Variants in PRKX observed in about 807,000 individuals in gnomAD.
PRKX encodes the protein protein kinase cAMP-dependent X-linked catalytic subunit, also known as cAMP-dependent protein kinase catalytic subunit PRKX.
Under a neutral mutation model 22.0 loss-of-function variants are expected in PRKX, and 12 were observed. The ratio of observed to expected loss-of-function variants is 0.54; its 90% confidence interval spans 0.35 to 0.88. The LOEUF (loss-of-function observed/expected upper bound fraction) is 0.88, where lower values mean the gene tolerates loss of function less well. Among genes scored for constraint, PRKX ranks in the 40% least tolerant of loss-of-function variants. The probability of loss-of-function intolerance (pLI) is 0.01; values close to 1 mark genes in which losing one functional copy is unlikely to be tolerated. For synonymous variants in PRKX, 134 were observed against 137.7 expected (o/e 0.97, Z 0.19); for missense variants, 217 against 308.0 (o/e 0.70, Z 2.21).
intron 3 of PRKX, among the ~76,000 whole-genome samples, chrX:3,651,992 A>G (rs1927342274): frequency 9.0e-6 from 1 of 111,523 alleles, no homozygotes; most frequent in Non-Finnish European, 1.9e-5. Flanking sequence ...TTTACTTTTT[A>G]TGACTGTTGA....
At chrX:3,610,722 T>A (rs1256213846) in intron 8 of PRKX, among the ~76,000 whole-genome samples, 1 of 111,149 alleles carries the variant, frequency 9.0e-6, no homozygotes, top group African/African-American at 3.3e-5. Flanking sequence ...GGAAGCTTTT[T>A]TGTTCTTTAA....
At chrX:3,666,910 T>TAAAA (rs1569055293) in intron 2 of PRKX, among the ~76,000 whole-genome samples, 5 of 31,324 alleles carry the variant, frequency 1.6e-4, no homozygotes, top group African/African-American at 4.1e-4. Flanking sequence ...CTCATTTCTT[T>TAAAA]TAAAAAAAAA....
At chrX:3,638,825 C>T (rs1926954268) in intron 4 of PRKX, among the ~76,000 whole-genome samples, 1 of 107,279 alleles carries the variant, frequency 9.3e-6, no homozygotes, top group Admixed American at 1.0e-4. Flanking sequence ...GGGAGGTAAA[C>T]AGTTACATAG....
chrX:3,620,076 A>C (rs1261587484), intron 6 of PRKX, among the ~76,000 whole-genome samples: 1 of 111,963 alleles, frequency 8.9e-6, no homozygotes, highest in Non-Finnish European at 1.9e-5. Context: ...AGTTTGTGGA[A>C]ATCATACCTG....
chrX:3,619,713 G>A (rs1443394995), intron 6 of PRKX, among the ~76,000 whole-genome samples: 6 of 111,518 alleles, frequency 5.4e-5, no homozygotes, highest in African/African-American at 1.3e-4. Flanking sequence ...CAGACTCCTC[G>A]TCTCCAGGAT....
At chrX:3,617,348 A>C (rs1236021909) in intron 6 of PRKX, among the ~76,000 whole-genome samples, 1 of 110,356 alleles carries the variant, frequency 9.1e-6, no homozygotes, top group East Asian at 2.8e-4. Context: ...GTGTTATATA[A>C]AGTGTGTGTG....
chrX:3,684,068 T>C (rs1309588114), intron 1 of PRKX, among the ~76,000 whole-genome samples: 1 of 110,895 alleles, frequency 9.0e-6, no homozygotes, highest in African/African-American at 3.3e-5. Context: ...CTGACCAACA[T>C]GGTGAAACCC....
At chrX:3,616,232 A>G (rs368542257) in intron 6 of PRKX, among the ~76,000 whole-genome samples, 28 of 111,104 alleles carry the variant, frequency 2.5e-4, no homozygotes, top group African/African-American at 9.3e-4. Flanking sequence ...TCCTGTTTTC[A>G]TCTTGGCAAA....
At chrX:3,711,159 A>T (rs749788844) in intron 1 of PRKX, among the ~76,000 whole-genome samples, 12 of 110,905 alleles carry the variant, frequency 1.1e-4, no homozygotes, top group Admixed American at 9.6e-4. Flanking sequence ...ACGTGCATGC[A>T]AACATACACA....
intron 2 of PRKX, among the ~76,000 whole-genome samples, chrX:3,657,255 T>A (rs1927499247): frequency 9.0e-6 from 1 of 111,408 alleles, no homozygotes; most frequent in African/African-American, 3.3e-5. Flanking sequence ...GTCCTTCCAA[T>A]ATCCACTGTA....
intron 4 of PRKX, among the ~76,000 whole-genome samples, chrX:3,629,656 T>C (rs771136135): frequency 6.4e-5 from 7 of 108,807 alleles, no homozygotes; most frequent in Middle Eastern, 4.4e-3. Flanking sequence ...TGAGATATCA[T>C]ATTTTTCTTT....
At chrX:3,686,845 T>C (rs1928189241) in intron 1 of PRKX, among the ~76,000 whole-genome samples, 1 of 110,589 alleles carries the variant, frequency 9.0e-6, no homozygotes. Flanking sequence ...GCGTGAGCCA[T>C]CACGCAGACC....
intron 3 of PRKX, among the ~76,000 whole-genome samples, chrX:3,643,087 G>A (rs911392389): frequency 3.1e-5 from 3 of 96,093 alleles, no homozygotes; most frequent in South Asian, 5.6e-4. Context: ...CAAAGCTTAC[G>A]TATGTTCTCT....
intron 1 of PRKX, among the ~76,000 whole-genome samples, chrX:3,710,370 G>C (rs1396815590): frequency 9.0e-6 from 1 of 111,466 alleles, no homozygotes; most frequent in African/African-American, 3.3e-5. Flanking sequence ...GAGGAAAACT[G>C]GTCAATCTAG....
intron 7 of PRKX, among the ~76,000 whole-genome samples, chrX:3,613,065 C>T (rs1432627641): frequency 9.3e-5 from 9 of 96,566 alleles, no homozygotes; most frequent in African/African-American, 1.9e-4. Context: ...GCAGGAGAAT[C>T]GCTTGAACCT....
chrX:3,613,007 C>T (rs1185914066), intron 7 of PRKX, among the ~76,000 whole-genome samples: 1 of 107,019 alleles, frequency 9.3e-6, no homozygotes, highest in Non-Finnish European at 1.9e-5. Flanking sequence ...AAAAATTAGC[C>T]GGGCATAGTG....
At chrX:3,617,882 C>T (rs564896525) in intron 6 of PRKX, among the ~76,000 whole-genome samples, 1 of 109,258 alleles carries the variant, frequency 9.2e-6, no homozygotes, top group African/African-American at 3.3e-5. Flanking sequence ...ACCTACGGCA[C>T]CTAATACTTG....
chrX:3,634,313 G>A, intron 4 of PRKX, among the ~76,000 whole-genome samples: 1 of 109,296 alleles, frequency 9.1e-6, no homozygotes, highest in Non-Finnish European at 1.9e-5. Context: ...ATGAATCAGG[G>A]AGGCTGAGGT....
intron 1 of PRKX, among the ~76,000 whole-genome samples, chrX:3,709,830 C>A (rs750871680): frequency 9.1e-6 from 1 of 110,448 alleles, no homozygotes; most frequent in East Asian, 2.8e-4. Context: ...GCTCTATCAC[C>A]CAGGCTGGAG....
Sources: gnomAD v4.1 joint callset for allele counts (sites outside exome capture counted in the v4.1 genomes callset) on GRCh38, gnomAD v4.1.1 for gene constraint, MANE v1.5 for transcripts, NCBI Gene and HGNC (gene_info 2026-07-23, HGNC 2026-07-21) for gene names.